SESN1: variants seen among roughly 807,000 people sequenced by gnomAD.
The protein encoded by SESN1 is sestrin 1.
Under a neutral mutation model 59.3 loss-of-function variants are expected in SESN1, and 30 were observed. That is an observed-to-expected ratio of 0.51 (90% CI 0.38 to 0.69). The LOEUF (loss-of-function observed/expected upper bound fraction) is 0.69. Among genes scored for constraint, SESN1 ranks in the 30% least tolerant of loss-of-function variants. The pLI, the probability that SESN1 is intolerant of heterozygous loss-of-function variation, is 0.00. For missense variants in SESN1, 566 were observed against 673.0 expected, an observed-to-expected ratio of 0.84 and a Z score of 1.76; for synonymous variants, 197 against 219.9, an observed-to-expected ratio of 0.90 and a Z score of 0.92.
At chr6:109,016,291 A>G (rs1178249792) in intron 1 of SESN1, among the ~76,000 whole-genome samples, 1 of 152,146 alleles carries the variant, frequency 6.6e-6, no homozygotes, top group African/African-American at 2.4e-5. Flanking sequence ...TGCCTTCCCT[A>G]TCCATGCCTC....
chr6:108,994,140 T>TAAAAAAAAAAAA (rs764125940), intron 6 of SESN1, among the ~76,000 whole-genome samples: 1 of 100,254 alleles, frequency 1.0e-5, no homozygotes, highest in Non-Finnish European at 2.0e-5. Context: ...CCCTGTTTCT[T>TAAAAAAAAAAAA]AAAAAAAAAA....
At chr6:109,046,141 G>A (rs12332904) in intron 1 of SESN1, among the ~76,000 whole-genome samples, 1,689 of 151,960 alleles carry the variant, frequency 0.011, 37 homozygotes, top group African/African-American at 0.039. Flanking sequence ...CCTCTCATGC[G>A]GAGCCGAAGC....
rs1176960923 is a variant in SESN1, at chr6:108,986,407, CATG to C, written c.*1134_*1136del. 1 of 152,576 alleles carries C rather than the reference CATG, an allele frequency of 6.6e-6. No homozygotes were observed. The highest frequency in any genetic ancestry group is 1.5e-5 in the Non-Finnish European group (1 of 68,040). 9.5% of individuals were successfully genotyped at this position (152,576 alleles called of 1,614,324 possible). A position where few individuals can be genotyped will look rare whatever the true frequency, so the allele number is the denominator to read the frequency against. ...TCAAAATTATTACTAATAGTGAAGT[CATG>C]ATTTTTTAAGAGATTGAGACAGCAA... On this transcript the variant is annotated 3_prime_UTR_variant, in exon 10 of 10. Transcript: ENST00000436639.
At chr6:109,005,807 A>T (rs1255851418) in intron 1 of SESN1, among the ~76,000 whole-genome samples, 3 of 152,212 alleles carry the variant, frequency 2.0e-5, no homozygotes, top group Admixed American at 1.3e-4. Context: ...ATTATAATCT[A>T]TATTATAAAC....
chr6:109,045,256 T>C (rs1780409745), intron 1 of SESN1, among the ~76,000 whole-genome samples: 1 of 151,784 alleles, frequency 6.6e-6, no homozygotes, highest in Admixed American at 6.6e-5. Context: ...TCAACCTCAC[T>C]CCCAACCCCA....
intron 1 of SESN1, among the ~76,000 whole-genome samples, chr6:109,068,643 A>T (rs1169387878): frequency 6.6e-6 from 1 of 152,112 alleles, no homozygotes; most frequent in African/African-American, 2.4e-5. Context: ...GTAATTTGAG[A>T]TTCAATCTTT....
At chr6:108,989,393 C>A (rs2798646) in intron 8 of SESN1, among the ~76,000 whole-genome samples, 135,968 of 151,672 alleles carry the variant, frequency 0.9, 61,050 homozygotes, top group East Asian at 0.95. Flanking sequence ...TTCTCTCTCT[C>A]TATATATAGA....
intron 1 of SESN1, among the ~76,000 whole-genome samples, chr6:109,073,585 C>T (rs1780974937): frequency 6.6e-6 from 1 of 152,088 alleles, no homozygotes; most frequent in Admixed American, 6.6e-5. Context: ...AAGCTAAAAG[C>T]TGAGAATTAG....
chr6:109,033,896 A>C (rs1450384452), intron 1 of SESN1, among the ~76,000 whole-genome samples: 1 of 152,236 alleles, frequency 6.6e-6, no homozygotes, highest in Non-Finnish European at 1.5e-5. Flanking sequence ...GATGGACTTA[A>C]GCATTCGTAA....
At chr6:109,067,608 T>C (rs1328153708) in intron 1 of SESN1, among the ~76,000 whole-genome samples, 2 of 152,200 alleles carry the variant, frequency 1.3e-5, no homozygotes, top group Non-Finnish European at 1.5e-5. Context: ...TCTCTTAGTT[T>C]TGAGTACTCA....
intron 7 of SESN1, among the ~76,000 whole-genome samples, chr6:108,992,405 T>C (rs1307557534): frequency 2.6e-5 from 4 of 152,130 alleles, no homozygotes; most frequent in Non-Finnish European, 5.9e-5. Context: ...GCGGGAGCCA[T>C]TGTGCCAGGC....
intron 1 of SESN1, among the ~76,000 whole-genome samples, chr6:109,055,858 AAT>A (rs2114448981): frequency 6.6e-6 from 1 of 152,250 alleles, no homozygotes; most frequent in African/African-American, 2.4e-5. Flanking sequence ...GTAGTTACTC[AAT>A]ATGTTTGTGG....
intron 1 of SESN1, among the ~76,000 whole-genome samples, chr6:109,051,855 G>A (rs968076560): frequency 6.6e-6 from 1 of 152,138 alleles, no homozygotes; most frequent in Non-Finnish European, 1.5e-5. Flanking sequence ...GTCGAACAAA[G>A]GCAAGTTAGC....
intron 1 of SESN1, among the ~76,000 whole-genome samples, chr6:109,075,477 C>G (rs1781017374): frequency 6.6e-6 from 1 of 152,188 alleles, no homozygotes; most frequent in African/African-American, 2.4e-5. Flanking sequence ...AATACTCTCT[C>G]CAGCTCCTCA....
intron 1 of SESN1, among the ~76,000 whole-genome samples, chr6:109,070,748 A>T (rs1295075506): frequency 6.6e-6 from 1 of 152,242 alleles, no homozygotes; most frequent in East Asian, 1.9e-4. Context: ...AAAATCCAAA[A>T]TTCTTAAAGT....
At chr6:109,029,294 G>C (rs868251741) in intron 1 of SESN1, among the ~76,000 whole-genome samples, 1 of 152,250 alleles carries the variant, frequency 6.6e-6, no homozygotes, top group South Asian at 2.1e-4. Flanking sequence ...TAGAAATCAC[G>C]GGTTAAAACA....
chr6:108,988,542 C>A lies in SESN1; in HGVS notation c.1569+1G>T. 1 of 1,605,620 alleles carries A rather than the reference C, an allele frequency of 6.2e-7. No individual in the cohort carries two copies. Among genetic ancestry groups the A allele is most frequent in the Non-Finnish European group, 8.5e-7 (1 of 1,176,840 alleles). On this transcript the variant is annotated splice_donor_variant, in intron 9 of 9. Coordinates refer to ENST00000436639, the MANE Select transcript of SESN1 (RefSeq NM_014454.3). LOFTEE classifies it high-confidence loss of function. ...GTAAATAAGCCACAATAGGCACATACCTTCTCAGAGTGCTTGAACTGCCTC... is the reference window on the plus strand; with the variant it reads ...GTAAATAAGCCACAATAGGCACATAACTTCTCAGAGTGCTTGAACTGCCTC...
chr6:109,044,017 T>C (rs1047397482), intron 1 of SESN1, among the ~76,000 whole-genome samples: 3 of 151,976 alleles, frequency 2.0e-5, no homozygotes, highest in African/African-American at 7.3e-5. Context: ...GGTCAACTTA[T>C]TGTTAACAAA....
rs1268613679 is a variant in SESN1 at position 109,094,620 on chromosome 6, C to G, written c.-547G>C. 6.6e-6 allele frequency: 1 copy of G among 152,356 alleles called. No homozygotes were observed. The highest frequency in any genetic ancestry group is 1.5e-5 in the Non-Finnish European group (1 of 68,140). The allele number at this position is 152,356 out of a possible 1,614,324, so 9.4% of individuals were successfully genotyped here. On this transcript the variant is annotated 5_prime_UTR_variant, in exon 1 of 10. Transcript: ENST00000436639. The stretch of plus-strand genomic sequence containing the variant: ...CAGGGAAGGCTCGCCGAACCCTGGC[C>G]CACTGGCCGCAGCGGCCGGAGGCTT...
Sources: gnomAD v4.1 joint callset for allele counts (sites outside exome capture counted in the v4.1 genomes callset) on GRCh38, gnomAD v4.1.1 for gene constraint, MANE v1.5 for transcripts, NCBI Gene and HGNC (gene_info 2026-07-23, HGNC 2026-07-21) for gene names.